Variants in PCDH7 observed in about 807,000 individuals in gnomAD.
The protein encoded by PCDH7 is protocadherin 7.
A neutral mutation model predicts 58.9 loss-of-function variants in PCDH7; 17 were observed. The ratio of observed to expected loss-of-function variants is 0.29; its 90% confidence interval spans 0.20 to 0.43. PCDH7 has a LOEUF of 0.43. Ranked by LOEUF, PCDH7 falls within the 20% of genes least tolerant of loss-of-function variation. PCDH7 has a pLI of 1.00. For missense variants in PCDH7, 1,274 were observed against 1,441.0 expected, an observed-to-expected ratio of 0.88 and a Z score of 1.88; for synonymous variants, 664 against 616.4, an observed-to-expected ratio of 1.08 and a Z score of -1.14.
chr4:30,835,019 A>G (rs927359059), intron 1 of PCDH7, among the ~76,000 whole-genome samples: 4 of 152,154 alleles, frequency 2.6e-5, no homozygotes, highest in African/African-American at 9.7e-5. Flanking sequence ...AGAGCCATAT[A>G]TAATAATAAA....
intron 2 of PCDH7, among the ~76,000 whole-genome samples, chr4:30,949,438 G>A (rs982191978): frequency 3.3e-5 from 5 of 151,884 alleles, no homozygotes; most frequent in Admixed American, 2.6e-4. Context: ...CAACTGTTTG[G>A]TATACAATTT....
At chr4:31,049,965 G>C (rs779883740) in intron 3 of PCDH7, among the ~76,000 whole-genome samples, 5 of 152,106 alleles carry the variant, frequency 3.3e-5, no homozygotes, top group South Asian at 4.1e-4. Context: ...AAGTAAAATA[G>C]TATATTTACA....
At chr4:31,087,277 G>A (rs984996991) in intron 3 of PCDH7, among the ~76,000 whole-genome samples, 2 of 151,946 alleles carry the variant, frequency 1.3e-5, no homozygotes, top group Non-Finnish European at 2.9e-5. Context: ...TTCACACTTG[G>A]AATTCATTGT....
intron 1 of PCDH7, among the ~76,000 whole-genome samples, chr4:30,847,584 C>G (rs78165729): frequency 6.6e-6 from 1 of 152,068 alleles, no homozygotes; most frequent in Non-Finnish European, 1.5e-5. Context: ...ACCAAGTGAA[C>G]ATGGAATTTT....
chr4:30,746,540 GTCTT>G (rs1249221735), intron 1 of PCDH7, among the ~76,000 whole-genome samples: 2 of 152,172 alleles, frequency 1.3e-5, no homozygotes, highest in Non-Finnish European at 1.5e-5. Context: ...ATTTTCTTGA[GTCTT>G]TATTTTTGGT....
At chr4:31,067,234 T>C (rs1758162280) in intron 3 of PCDH7, among the ~76,000 whole-genome samples, 1 of 151,988 alleles carries the variant, frequency 6.6e-6, no homozygotes, top group Non-Finnish European at 1.5e-5. Flanking sequence ...CATGAATCTG[T>C]GTTTTTTACT....
intron 1 of PCDH7, among the ~76,000 whole-genome samples, chr4:30,759,964 C>A (rs1049219586): frequency 6.6e-6 from 1 of 152,092 alleles, no homozygotes; most frequent in Non-Finnish European, 1.5e-5. Context: ...CCAGGACAAT[C>A]TTTTCATGAA....
At chr4:31,062,787 C>A (rs1757790346) in intron 3 of PCDH7, among the ~76,000 whole-genome samples, 1 of 151,700 alleles carries the variant, frequency 6.6e-6, no homozygotes, top group Non-Finnish European at 1.5e-5. Context: ...TTCTTGTACA[C>A]TTTTGATTGA....
chr4:31,057,896 T>C (rs1757381595), intron 3 of PCDH7, among the ~76,000 whole-genome samples: 2 of 152,104 alleles, frequency 1.3e-5, no homozygotes, highest in Admixed American at 1.3e-4. Flanking sequence ...TATGTACATA[T>C]TCTTTCTAAC....
intron 3 of PCDH7, among the ~76,000 whole-genome samples, chr4:31,109,114 G>T (rs1393769841): frequency 6.6e-6 from 1 of 152,156 alleles, no homozygotes; most frequent in Non-Finnish European, 1.5e-5. Context: ...ACATGCAAAG[G>T]CTGGGAGTGT....
chr4:30,893,004 T>A (rs984024884), intron 1 of PCDH7, among the ~76,000 whole-genome samples: 1 of 152,076 alleles, frequency 6.6e-6, no homozygotes, highest in African/African-American at 2.4e-5. Flanking sequence ...ATACAACAGC[T>A]GCCTCTGCAT....
chr4:30,943,983 T>C (rs1322388909), intron 2 of PCDH7, among the ~76,000 whole-genome samples: 1 of 152,142 alleles, frequency 6.6e-6, no homozygotes, highest in East Asian at 1.9e-4. Flanking sequence ...TGCTCCAGTG[T>C]GGCCTCCGTG....
chr4:30,972,645 T>C (rs1403463256), intron 3 of PCDH7, among the ~76,000 whole-genome samples: 1 of 152,134 alleles, frequency 6.6e-6, no homozygotes, highest in Non-Finnish European at 1.5e-5. Context: ...ACAAATTATC[T>C]CTAAAACTCA....
At chr4:30,799,372 T>A (rs923777292) in intron 1 of PCDH7, among the ~76,000 whole-genome samples, 1 of 152,230 alleles carries the variant, frequency 6.6e-6, no homozygotes, top group Non-Finnish European at 1.5e-5. Context: ...GTAAAGTTAT[T>A]CTTTATTGTT....
chr4:30,948,195 T>C (rs1241152765), intron 2 of PCDH7, among the ~76,000 whole-genome samples: 1 of 151,886 alleles, frequency 6.6e-6, no homozygotes, highest in Non-Finnish European at 1.5e-5. Flanking sequence ...CCCAGTGCAC[T>C]GCTAATTCAT....
chr4:30,880,872 C>T (rs1736874397), intron 1 of PCDH7, among the ~76,000 whole-genome samples: 1 of 152,084 alleles, frequency 6.6e-6, no homozygotes. Flanking sequence ...AGAGTCTTGT[C>T]AGGAGTATGG....
chr4:30,904,341 C>G (rs1016641361), intron 1 of PCDH7, among the ~76,000 whole-genome samples: 3 of 152,068 alleles, frequency 2.0e-5, no homozygotes, highest in South Asian at 4.1e-4. Context: ...TCTTGGCATG[C>G]AGCCCACTCC....
intron 1 of PCDH7, among the ~76,000 whole-genome samples, chr4:30,897,737 C>T (rs1472177195): frequency 6.6e-6 from 1 of 152,142 alleles, no homozygotes; most frequent in East Asian, 1.9e-4. Flanking sequence ...CTGTTTATCT[C>T]TTTGAAATAA....
In PCDH7 at chr4:31,032,728, A is replaced by G. The variant is rs535650764; in HGVS notation, c.*7+82513A>G. Among the ~76,000 whole-genome samples, 66 of 134,990 alleles carry G rather than the reference A, an allele frequency of 4.9e-4. 1 individual carries two copies. Among genetic ancestry groups the G allele is most frequent in the African/African-American group, 2.0e-3 (66 of 32,674 alleles). 88.6% of individuals were successfully genotyped at this position (134,990 alleles called of 152,430 possible). Reference sequence around the variant, plus strand: ...GGAGAGAGGGAGGGAGGGAAAGAGTACATGTCATTGCGAGCACTTGATTTT... The same window carrying G: ...GGAGAGAGGGAGGGAGGGAAAGAGTGCATGTCATTGCGAGCACTTGATTTT... On this transcript the variant is annotated intron_variant, in intron 3 of 3. Coordinates refer to the PCDH7 transcript ENST00000509759.
Sources: allele counts gnomAD v4.1 joint callset (sites outside exome capture counted in the v4.1 genomes callset), GRCh38; gene constraint gnomAD v4.1.1; transcripts MANE v1.5; gene names NCBI Gene and HGNC (gene_info 2026-07-23, HGNC 2026-07-21).